The following CPXM2 variants were observed in gnomAD, a reference collection of about 807,000 sequenced individuals.
CPXM2 encodes the protein carboxypeptidase X, M14 family member 2, also known as inactive carboxypeptidase-like protein X2.
CPXM2 carries 66 observed loss-of-function variants against 86.1 expected under a neutral mutation model. The observed-to-expected ratio is 0.77, with a 90% CI of 0.63 to 0.94. The LOEUF is 0.94. Ranked by LOEUF, CPXM2 falls within the 40% of genes least tolerant of loss-of-function variation. The pLI, the probability that CPXM2 is intolerant of heterozygous loss-of-function variation, is 0.00. For missense variants in CPXM2, 948 were observed against 1,026.3 expected (o/e 0.92, Z 1.04); for synonymous variants, 388 against 400.2 (o/e 0.97, Z 0.36).
chr10:123,881,634 G>A (rs934346141), intron 1 of CPXM2, among the ~76,000 whole-genome samples: 1 of 152,334 alleles, frequency 6.6e-6, no homozygotes, highest in African/African-American at 2.4e-5. Flanking sequence ...GCTACAGCCT[G>A]AGAGTGGGAG....
At position 123,793,828 on chromosome 10, in the gene CPXM2, T is replaced by G. The variant is rs147774880; in HGVS notation, c.889+4148A>C. On this transcript the variant is annotated intron_variant, in intron 6 of 13. Transcript: ENST00000241305. ...GGTATTCAGACTACAGGCCCGACTT[T>G]GCAAGCAAAAATGGAAGGGAGCAAA... Among the ~76,000 whole-genome samples the G allele has an allele frequency of 5.3e-3, 809 of 152,264 alleles. 7 individuals carry two copies. Among genetic ancestry groups the G allele is most frequent in the African/African-American group, 0.018 (756 of 41,536 alleles).
rs72829718 is a variant in CPXM2 at position 123,909,491 on chromosome 10, G to A, written n.175-29182C>T. On this transcript the variant is annotated intron_variant and non_coding_transcript_variant, in intron 2 of 19. Coordinates refer to the CPXM2 transcript ENST00000368854. ...ACAAGGCTCCACCTGACAAGCGGAA[G>A]CCCGGCCAGGCGCTGCTTTCCTTCA... Among the ~76,000 whole-genome samples, 520 of 152,350 alleles carry A rather than the reference G, an allele frequency of 3.4e-3. 2 individuals are homozygous for A. The highest frequency in any genetic ancestry group is 0.02 in the Middle Eastern group (6 of 294).
chr10:123,923,543 T>C (rs1009409420), intron 2 of CPXM2, among the ~76,000 whole-genome samples: 4 of 150,072 alleles, frequency 2.7e-5, no homozygotes, highest in East Asian at 2.0e-4. Flanking sequence ...ATCGCGCCAC[T>C]GCACTCCAGC....
intron 4 of CPXM2, among the ~76,000 whole-genome samples, chr10:123,829,926 T>C (rs1180528088): frequency 6.7e-6 from 1 of 149,046 alleles, no homozygotes; most frequent in African/African-American, 2.5e-5. Flanking sequence ...CATAATAATG[T>C]TGGGATTTCC....
intron 7 of CPXM2, among the ~76,000 whole-genome samples, chr10:123,773,341 TC>T (rs1352931343): frequency 6.6e-6 from 1 of 151,856 alleles, no homozygotes; most frequent in Non-Finnish European, 1.5e-5. Flanking sequence ...GGTCATCACC[TC>T]CCTCATTGTG....
At chr10:123,880,440 C>A in intron 1 of CPXM2, 131 bp from the exon 2 acceptor site, 1 of 616,202 alleles carries the variant, frequency 1.6e-6, no homozygotes, top group Non-Finnish European at 2.9e-6. Flanking sequence ...AAGATGGGGT[C>A]TTGGACTTTA....
At chr10:123,905,795 A>G (rs1279549671) in intron 2 of CPXM2, among the ~76,000 whole-genome samples, 5 of 149,004 alleles carry the variant, frequency 3.4e-5, no homozygotes, top group Non-Finnish European at 6.0e-5. Flanking sequence ...CTCCCACCCC[A>G]CCCTCACCCA....
intron 4 of CPXM2, among the ~76,000 whole-genome samples, chr10:123,830,868 C>CTGTGTGTGTGTG (rs1564788804): frequency 1.0e-5 from 1 of 97,654 alleles, no homozygotes; most frequent in Non-Finnish European, 2.2e-5. Flanking sequence ...CTCTCTCTCT[C>CTGTGTGTGTGTG]TCTCTGTGTG....
At chr10:123,821,550 C>T (rs1402194431) in intron 4 of CPXM2, among the ~76,000 whole-genome samples, 3 of 152,200 alleles carry the variant, frequency 2.0e-5, no homozygotes, top group South Asian at 2.1e-4. Context: ...CCCACAGCAC[C>T]GTGGAATGTC....
At chr10:123,794,421 C>T (rs1847278601) in intron 6 of CPXM2, among the ~76,000 whole-genome samples, 1 of 152,202 alleles carries the variant, frequency 6.6e-6, no homozygotes, top group Non-Finnish European at 1.5e-5. Flanking sequence ...AACGCTGTAG[C>T]CTAGTGGGGT....
At chr10:123,904,984 C>G (rs1199117569) in intron 2 of CPXM2, among the ~76,000 whole-genome samples, 1 of 55,502 alleles carries the variant, frequency 1.8e-5, no homozygotes, top group Non-Finnish European at 3.7e-5. Context: ...CACCCTGTGA[C>G]AGGAGCTGGG....
chr10:123,910,482 G>A lies in CPXM2; in HGVS notation n.174+28995C>T, dbSNP rs186668192. Among the ~76,000 whole-genome samples, 19 of 152,232 alleles carry A rather than the reference G, an allele frequency of 1.2e-4. No individual in the cohort carries two copies. In the East Asian group the frequency reaches 3.3e-3, roughly 26 times the overall value. ...CGGCCCCTGTTGCAGTTCCCAGGGG[G>A]AGTTCTCCTGATCCACTGCATCCCA... On this transcript the variant is annotated intron_variant and non_coding_transcript_variant, in intron 2 of 19. Transcript: ENST00000368854.
intron 6 of CPXM2, among the ~76,000 whole-genome samples, chr10:123,785,824 A>AG (rs1847041704): frequency 6.6e-6 from 1 of 151,822 alleles, no homozygotes; most frequent in Admixed American, 6.6e-5. Context: ...TAGTAGAGAC[A>AG]GGGTTTCACA....
In CPXM2 at chr10:123,885,890, AAC is replaced by A. The variant is rs1268250270; in HGVS notation, c.304+5464_304+5465del. Among the ~76,000 whole-genome samples, 1 of 152,214 alleles carries A rather than the reference AAC, an allele frequency of 6.6e-6. No homozygotes were observed. Among genetic ancestry groups the A allele is most frequent in the Non-Finnish European group, 1.5e-5 (1 of 68,044 alleles). On this transcript the variant is annotated intron_variant, in intron 1 of 13. Transcript: ENST00000241305. The surrounding 1 kb of genome is among the most constrained non-coding windows in gnomAD (Gnocchi z 4.0). Reference sequence around the variant, plus strand: ...CCATGGACACTTGAGGCATACAGAAAACACAGTGGCTATTTTTAAGAACCACA... The same window carrying A: ...CCATGGACACTTGAGGCATACAGAAAACAGTGGCTATTTTTAAGAACCACA...
At chr10:123,798,291 C>T (rs1043058949) in intron 5 of CPXM2, among the ~76,000 whole-genome samples, 165 bp from the exon 6 acceptor site, 2 of 151,078 alleles carry the variant, frequency 1.3e-5, no homozygotes, top group Non-Finnish European at 2.9e-5. Context: ...GGCCTGGATC[C>T]TGCCCTCAGG....
intron 9 of CPXM2, 139 bp from the exon 10 acceptor site, chr10:123,767,291 T>A: frequency 1.4e-6 from 1 of 705,378 alleles, no homozygotes; most frequent in Non-Finnish European, 2.3e-6. Flanking sequence ...AAAGATGGCA[T>A]CTAAAGGAGA....
chr10:123,882,733 G>C (rs1945112281), intron 1 of CPXM2, among the ~76,000 whole-genome samples: 1 of 151,678 alleles, frequency 6.6e-6, no homozygotes, highest in Non-Finnish European at 1.5e-5. Context: ...GGCCTGGGCA[G>C]CTCCCAATAC....
intron 8 of CPXM2, among the ~76,000 whole-genome samples, chr10:123,770,503 C>G (rs1846602724): frequency 6.6e-6 from 1 of 152,130 alleles, no homozygotes; most frequent in Non-Finnish European, 1.5e-5. Flanking sequence ...TGTCTGAAAA[C>G]AGGAAATATC....
Position 123,768,633 on chromosome 10 carries a change from G to A in CPXM2, c.1192C>T (p.Gln398Ter). The change falls in exon 9 of 14, where the codon CAG becomes TAG. Residue 398 changes from glutamine to a stop codon, truncating the protein, a stop_gained. Transcript: ENST00000241305. LOFTEE classifies it high-confidence loss of function. The stretch of plus-strand genomic sequence containing the variant: ...CGCGCATTCCGGGCCAAGTACTCCT[G>A]ACACACGAACTGCACCAGCAGCAGC... ...LLLLLVQFVC[Q>*]EYLARNARIV... 1.2e-6 allele frequency: 2 copies of A among 1,613,902 alleles called. No individual in the cohort carries two copies. Among genetic ancestry groups the A allele is most frequent in the African/African-American group, 1.3e-5 (1 of 75,046 alleles).
Sources: allele counts gnomAD v4.1 joint callset (sites outside exome capture counted in the v4.1 genomes callset), GRCh38; gene constraint gnomAD v4.1.1; non-coding constraint Gnocchi (gnomAD v3.1); transcripts MANE v1.5; gene names NCBI Gene and HGNC (gene_info 2026-07-23, HGNC 2026-07-21).